The following CLVS2 variants were observed in gnomAD, a reference collection of about 807,000 sequenced individuals.
The protein encoded by CLVS2 is clavesin 2, also known as clavesin-2.
A neutral mutation model predicts 29.0 loss-of-function variants in CLVS2; 19 were observed. The observed-to-expected ratio is 0.66, with a 90% confidence interval of 0.46 to 0.96. The LOEUF is 0.96. Among genes scored for constraint, CLVS2 ranks in the 40% least tolerant of loss-of-function variants. The probability of loss-of-function intolerance (pLI) is 0.00; values close to 1 mark genes in which losing one functional copy is unlikely to be tolerated. For missense variants in CLVS2, 294 were observed against 404.1 expected (o/e 0.73, Z 2.34); for synonymous variants, 161 against 151.3 (o/e 1.06, Z -0.47).
chr6:123,050,634 G>T (rs1227874629), intron 4 of CLVS2, among the ~76,000 whole-genome samples: 1 of 152,112 alleles, frequency 6.6e-6, no homozygotes. Context: ...ATGAGCTATG[G>T]GGGCAGATGA....
At chr6:123,023,386 A>G (rs983775773) in intron 3 of CLVS2, among the ~76,000 whole-genome samples, 1 of 152,012 alleles carries the variant, frequency 6.6e-6, no homozygotes, top group African/African-American at 2.4e-5. Context: ...TTCATTATTC[A>G]GCTCTTGTTT....
intron 3 of CLVS2, among the ~76,000 whole-genome samples, chr6:123,012,398 G>A (rs925109581): frequency 1.1e-4 from 17 of 151,584 alleles, no homozygotes; most frequent in Admixed American, 6.6e-5. Flanking sequence ...TTTTATAATT[G>A]TTATCCCTAT....
intron 4 of CLVS2, among the ~76,000 whole-genome samples, chr6:123,049,362 G>C (rs1358500285): frequency 6.6e-6 from 1 of 152,008 alleles, no homozygotes; most frequent in Non-Finnish European, 1.5e-5. Flanking sequence ...TACAGTGTAG[G>C]GCACAAGGTA....
In CLVS2 at chr6:123,063,721, A is replaced by G. The variant is rs1195832594; in HGVS notation, c.944A>G (p.Asn315Ser). 1 of 1,612,404 alleles carries G rather than the reference A, an allele frequency of 6.2e-7. No homozygotes were observed. The highest frequency in any genetic ancestry group is 1.7e-5 in the Admixed American group (1 of 59,966). The change falls in exon 6 of 6, where the codon AAT (asparagine) becomes AGT (serine). Residue 315 changes from asparagine to serine, a missense_variant. This residue lies in a region of CLVS2 where 82 missense variants were observed against 67.8 expected (regional missense o/e 1.21). Coordinates refer to ENST00000275162, the MANE Select transcript of CLVS2 (RefSeq NM_001010852.4). ...DPTVLKRMDK[N>S]EEENMQPLLS... ...ACAGTACTAAAACGCATGGATAAAA[A>G]TGAGGAAGAAAACATGCAACCATTG...
intron 3 of CLVS2, among the ~76,000 whole-genome samples, chr6:123,025,187 A>C (rs1300686201): frequency 6.6e-6 from 1 of 152,148 alleles, no homozygotes; most frequent in African/African-American, 2.4e-5. Context: ...TCTGTTGGAC[A>C]CAGGAATTAA....
intron 2 of CLVS2, among the ~76,000 whole-genome samples, chr6:123,010,647 T>C (rs1774735366): frequency 6.6e-6 from 1 of 152,066 alleles, no homozygotes. Context: ...TCAATATTAC[T>C]GAAGGCATTC....
At chr6:123,042,302 G>A (rs1406218573) in intron 3 of CLVS2, among the ~76,000 whole-genome samples, 1 of 152,066 alleles carries the variant, frequency 6.6e-6, no homozygotes, top group African/African-American at 2.4e-5. Flanking sequence ...AAACTCCTAA[G>A]TGTTAAATAA....
chr6:123,039,216 A>T (rs1223699260), intron 3 of CLVS2, among the ~76,000 whole-genome samples: 1 of 152,168 alleles, frequency 6.6e-6, no homozygotes, highest in East Asian at 1.9e-4. Flanking sequence ...GAACATCAGC[A>T]CTTCTAAATG....
chr6:123,033,741 G>A (rs1775113380), intron 3 of CLVS2, among the ~76,000 whole-genome samples: 2 of 151,968 alleles, frequency 1.3e-5, no homozygotes, highest in Non-Finnish European at 2.9e-5. Context: ...AAAAAAATTT[G>A]CTCTGTGAAA....
At chr6:123,002,776 T>G (rs1774609257) in intron 2 of CLVS2, among the ~76,000 whole-genome samples, 1 of 152,196 alleles carries the variant, frequency 6.6e-6, no homozygotes, top group Non-Finnish European at 1.5e-5. Flanking sequence ...TATTAAATAA[T>G]TCCCAGCTTT....
At chr6:123,046,676 AT>A (rs1772519641) in intron 3 of CLVS2, among the ~76,000 whole-genome samples, 1 of 151,862 alleles carries the variant, frequency 6.6e-6, no homozygotes, top group African/African-American at 2.4e-5. Flanking sequence ...AAAAAAAATA[AT>A]AATAATAATC....
chr6:123,031,991 T>G (rs1370411514), intron 3 of CLVS2, among the ~76,000 whole-genome samples: 1 of 152,110 alleles, frequency 6.6e-6, no homozygotes, highest in Non-Finnish European at 1.5e-5. Flanking sequence ...TTCTTAACAC[T>G]TTTTTGGGCA....
chr6:123,056,812 A>G (rs1772699525), intron 5 of CLVS2, among the ~76,000 whole-genome samples: 1 of 152,206 alleles, frequency 6.6e-6, no homozygotes, highest in African/African-American at 2.4e-5. Flanking sequence ...ACTGTGTTCA[A>G]AGTTTCTGGT....
chr6:123,040,966 C>T (rs1775221389), intron 3 of CLVS2, among the ~76,000 whole-genome samples: 1 of 151,864 alleles, frequency 6.6e-6, no homozygotes, highest in African/African-American at 2.4e-5. Context: ...CATCACAAAA[C>T]TCTCATTTTT....
At chr6:123,020,884 A>G (rs1016274007) in intron 3 of CLVS2, among the ~76,000 whole-genome samples, 5 of 151,996 alleles carry the variant, frequency 3.3e-5, no homozygotes. Context: ...TTAGTCCTAT[A>G]TTAGAGCTGT....
chr6:123,029,399 A>G (rs1775050108), intron 3 of CLVS2, among the ~76,000 whole-genome samples: 1 of 152,222 alleles, frequency 6.6e-6, no homozygotes, highest in African/African-American at 2.4e-5. Context: ...AAGGACTGAG[A>G]AAAGAGATAT....
rs191991817 is a variant in CLVS2 at position 123,006,178 on chromosome 6, G to A, written c.390-4807G>A. ...AAAGCTGGTGGCGGGCCCAGAGGAG[G>A]GCAGAACTTAGGTGAGGTGAAAAGG... On this transcript the variant is annotated intron_variant, in intron 2 of 5. Transcript: ENST00000275162. 4.6e-3 allele frequency among the ~76,000 whole-genome samples: 705 copies of A among 152,276 alleles called. 7 individuals carry two copies. The highest frequency in any genetic ancestry group is 0.016 in the African/African-American group (659 of 41,540).
At chr6:123,040,270 C>T (rs1239558723) in intron 3 of CLVS2, among the ~76,000 whole-genome samples, 1 of 152,148 alleles carries the variant, frequency 6.6e-6, no homozygotes, top group Admixed American at 6.5e-5. Context: ...GGTTTTTTCC[C>T]CATAATAATT....
At chr6:123,047,494 C>A (rs1234943337) in intron 3 of CLVS2, among the ~76,000 whole-genome samples, 1 of 152,076 alleles carries the variant, frequency 6.6e-6, no homozygotes, top group Non-Finnish European at 1.5e-5. Context: ...GGCAGCTCTG[C>A]AAATCAATAT....
Sources: allele counts gnomAD v4.1 joint callset (sites outside exome capture counted in the v4.1 genomes callset), GRCh38; gene constraint gnomAD v4.1.1; regional missense constraint gnomAD v4.1.1; transcripts MANE v1.5; gene names NCBI Gene and HGNC (gene_info 2026-07-23, HGNC 2026-07-21).